Variants in ADAP2 observed in about 807,000 individuals in gnomAD.
ADAP2 encodes ArfGAP with dual PH domains 2.
In ADAP2, 42 loss-of-function variants were observed where a neutral mutation model predicts 54.9. The observed-to-expected ratio is 0.77, with a 90% CI of 0.60 to 0.99. ADAP2 has a LOEUF of 0.99. ADAP2 is among the 50% of genes least tolerant of loss of function. The pLI, the probability that ADAP2 is intolerant of heterozygous loss-of-function variation, is 0.00. For synonymous variants in ADAP2, 177 were observed against 180.1 expected (o/e 0.98, Z 0.14); for missense variants, 429 against 480.4 (o/e 0.89, Z 1.00).
At chr17:30,928,742 G>A (rs9914871) in intron 3 of ADAP2, among the ~76,000 whole-genome samples, 4,273 of 152,230 alleles carry the variant, frequency 0.028, 182 homozygotes, top group African/African-American at 0.094. Flanking sequence ...AGCAGCAGGA[G>A]GGTTCAGGTC....
Position 30,953,339 on chromosome 17 carries a change from A to G in ADAP2, c.793A>G (p.Thr265Ala), listed in dbSNP as rs1904822081. 1.2e-6 allele frequency: 2 copies of G among 1,613,950 alleles called. No individual in the cohort carries two copies. The highest frequency in any genetic ancestry group is 8.5e-7 in the Non-Finnish European group (1 of 1,179,986). The change falls in exon 8 of 11, where the codon ACT (threonine) becomes GCT (alanine). Residue 265 changes from threonine to alanine, a missense_variant. Thr to Ala is a moderately conservative substitution (Grantham distance 58). Coordinates refer to ENST00000330889, the MANE Select transcript of ADAP2 (RefSeq NM_018404.3). ...NYLKQGFMEK[T>A]GPKQKEPFKK... The stretch of plus-strand genomic sequence containing the variant: ...CCTCAAACAAGGCTTCATGGAAAAG[A>G]CTGGGCCAAAGGTACCTTCTATCAC...
intron 3 of ADAP2, among the ~76,000 whole-genome samples, chr17:30,927,475 G>A (rs191871581): frequency 6.6e-5 from 10 of 152,124 alleles, no homozygotes; most frequent in Admixed American, 5.9e-4. Context: ...ATTTAGCCGG[G>A]CGTGGTGGCG....
At position 30,945,043 on chromosome 17, in the gene ADAP2, A is replaced by C; in HGVS notation, c.647A>C (p.Glu216Ala). ...ACCAGGAACCTGTTTGTGTATCATGAAAGTGGGAAGGTGAGATGCCTGGAG... is the reference window on the plus strand; with the variant it reads ...ACCAGGAACCTGTTTGTGTATCATGCAAGTGGGAAGGTGAGATGCCTGGAG... ...GHTRNLFVYHESGKEIVDWFN... is the reference protein window; with the variant it reads ...GHTRNLFVYHASGKEIVDWFN... Residue 216 changes from glutamate to alanine, a missense_variant, in exon 6 of 11, where the codon GAA becomes GCA. Physicochemically the swap from Glu to Ala is moderately radical, Grantham distance 107 (BLOSUM62 -1). Transcript: ENST00000330889. The C allele has an allele frequency of 3.1e-6, 5 of 1,613,878 alleles. No homozygotes were observed. The highest frequency in any genetic ancestry group is 4.2e-6 in the Non-Finnish European group (5 of 1,179,956).
Position 30,945,055 on chromosome 17 carries a change from T to C in ADAP2, c.657+2T>C. 1 of 1,613,384 alleles carries C rather than the reference T, an allele frequency of 6.2e-7. No individual in the cohort carries two copies. Among genetic ancestry groups the C allele is most frequent in the Non-Finnish European group, 8.5e-7 (1 of 1,179,790 alleles). On this transcript the variant is annotated splice_donor_variant, in intron 6 of 10. Transcript: ENST00000330889. LOFTEE classifies it high-confidence loss of function. ...TTTGTGTATCATGAAAGTGGGAAGGTGAGATGCCTGGAGTTGCCACCTCCG... is the reference window on the plus strand; with the variant it reads ...TTTGTGTATCATGAAAGTGGGAAGGCGAGATGCCTGGAGTTGCCACCTCCG...
intron 3 of ADAP2, among the ~76,000 whole-genome samples, chr17:30,929,873 T>C (rs190908749): frequency 6.6e-6 from 1 of 151,904 alleles, no homozygotes; most frequent in Admixed American, 6.6e-5. Flanking sequence ...ATTTTTGTAT[T>C]TTTGTTTGTT....
At chr17:30,932,544 G>C (rs911281994) in intron 4 of ADAP2, among the ~76,000 whole-genome samples, 2 of 150,374 alleles carry the variant, frequency 1.3e-5, no homozygotes, top group African/African-American at 4.9e-5. Context: ...ATGAGCCACT[G>C]TGCCCAGCCA....
intron 5 of ADAP2, 112 bp downstream of exon 5, chr17:30,934,409 AG>A: frequency 2.9e-6 from 2 of 696,890 alleles, no homozygotes; most frequent in Non-Finnish European, 4.7e-6. Context: ...AGCCCCTGAG[AG>A]TTAGGCACAA....
At position 30,956,414 on chromosome 17, in the gene ADAP2, G is replaced by A; in HGVS notation, c.1056G>A (p.Trp352Ter). Residue 352 changes from tryptophan (W) to a stop codon, truncating the protein, a stop_gained, in exon 10 of 11, where the codon TGG becomes TGA. Coordinates refer to ENST00000330889, the MANE Select transcript of ADAP2 (RefSeq NM_018404.3). LOFTEE classifies it high-confidence loss of function. ...TCPSEKEQQEWLESLRGVLSS... is the reference protein window; with the variant it reads ...TCPSEKEQQE ...CCAGTGAGAAGGAACAGCAGGAATGGCTGGAAAGTTTGCGGGGTGTCCTGT... is the reference window on the plus strand; with the variant it reads ...CCAGTGAGAAGGAACAGCAGGAATGACTGGAAAGTTTGCGGGGTGTCCTGT... 6 of 1,614,214 alleles carry A rather than the reference G, an allele frequency of 3.7e-6. No homozygotes were observed. The highest frequency in any genetic ancestry group is 5.1e-6 in the Non-Finnish European group (6 of 1,180,050).
rs772277402 is a variant in ADAP2, at chr17:30,956,432, T to TGTCC, written c.1075_1078dup (p.Leu360ArgfsTer27). The TGTCC allele has an allele frequency of 6.2e-7, 1 of 1,614,052 alleles. No individual in the cohort carries two copies. The highest frequency in any genetic ancestry group is 8.5e-7 in the Non-Finnish European group (1 of 1,180,000). On this transcript the variant is annotated frameshift_variant, in exon 10 of 11. Coordinates refer to ENST00000330889, the MANE Select transcript of ADAP2 (RefSeq NM_018404.3). LOFTEE classifies it high-confidence loss of function. ...AGGAATGGCTGGAAAGTTTGCGGGG[T>TGTCC]GTCCTGTCCAGCCCCTTGACGCCCC...
chr17:30,955,727 A>AG (rs1197152203), intron 9 of ADAP2, among the ~76,000 whole-genome samples: 1 of 150,948 alleles, frequency 6.6e-6, no homozygotes, highest in African/African-American at 2.4e-5. Flanking sequence ...AGAAAAAAAA[A>AG]GAAACTTAAA....
Position 30,931,877 on chromosome 17 carries a change from C to T in ADAP2, c.318-12C>T, listed in dbSNP as rs767375586. ...CATCAAACGCAGCTGACCTCAGGCT[C>T]TCTCTTTTTAGGGTCTTAAAGGAAC... On this transcript the variant is annotated splice_polypyrimidine_tract_variant and intron_variant, in intron 3 of 10. Coordinates refer to ENST00000330889, the MANE Select transcript of ADAP2 (RefSeq NM_018404.3). The T allele has an allele frequency of 1.2e-5, 20 of 1,601,630 alleles. No individual in the cohort carries two copies. The Admixed American group carries it at 2.3e-4, about 18-fold the overall frequency.
intron 5 of ADAP2, 133 bp from the exon 6 acceptor site, chr17:30,944,774 G>A (rs1912530949): frequency 5.2e-6 from 5 of 956,210 alleles, no homozygotes; most frequent in East Asian, 2.4e-5. Flanking sequence ...TCTGAATTTC[G>A]ATATGAGAGC....
chr17:30,952,475 A>G (rs549009103), intron 7 of ADAP2, among the ~76,000 whole-genome samples: 45 of 152,212 alleles, frequency 3.0e-4, no homozygotes, highest in Middle Eastern at 6.8e-3. Flanking sequence ...TCCCAAGTTC[A>G]AGGGATTCTC....
At chr17:30,950,188 A>G (rs1598053118) in intron 7 of ADAP2, among the ~76,000 whole-genome samples, 2 of 152,308 alleles carry the variant, frequency 1.3e-5, no homozygotes, top group African/African-American at 4.8e-5. Context: ...GGGCTTGGGA[A>G]AGCCTGGGAT....
intron 6 of ADAP2, 22 bp from the exon 7 acceptor site, chr17:30,949,265 T>G: frequency 6.2e-7 from 1 of 1,606,588 alleles, no homozygotes; most frequent in Non-Finnish European, 8.5e-7. Flanking sequence ...TGTGTGTGTG[T>G]CCTGTGCACT....
chr17:30,952,380 T>G (rs1341138163), intron 7 of ADAP2, among the ~76,000 whole-genome samples: 1 of 152,130 alleles, frequency 6.6e-6, no homozygotes, highest in African/African-American at 2.4e-5. Flanking sequence ...TTCTTTTTTG[T>G]TTTGTTTTGT....
intron 2 of ADAP2, among the ~76,000 whole-genome samples, chr17:30,925,306 C>T (rs185506420): frequency 2.2e-3 from 334 of 151,656 alleles, no homozygotes; most frequent in Non-Finnish European, 4.0e-3. Flanking sequence ...TCTCCTGCCT[C>T]AGTCTCCTGA....
At chr17:30,951,435 C>CTA (rs1904620584) in intron 7 of ADAP2, among the ~76,000 whole-genome samples, 1 of 152,014 alleles carries the variant, frequency 6.6e-6, no homozygotes, top group Admixed American at 6.6e-5. Context: ...CAATTAAAGC[C>CTA]TAGTGAATGT....
chr17:30,934,034 G>A (rs1248876105), intron 4 of ADAP2, 151 bp from the exon 5 acceptor site: 2 of 604,616 alleles, frequency 3.3e-6, no homozygotes, highest in African/African-American at 3.7e-5. Context: ...TGGGATCCTT[G>A]TGTTCTGCAG....
Sources: allele counts gnomAD v4.1 joint callset (sites outside exome capture counted in the v4.1 genomes callset), GRCh38; gene constraint gnomAD v4.1.1; transcripts MANE v1.5; gene names NCBI Gene and HGNC (gene_info 2026-07-23, HGNC 2026-07-21).